The following PHC3 variants were observed in gnomAD, a reference collection of about 807,000 sequenced individuals.
PHC3 encodes polyhomeotic-like protein 3.
A neutral mutation model predicts 107.4 loss-of-function variants in PHC3; 13 were observed. That is an observed-to-expected ratio of 0.12 (90% CI 0.08 to 0.19). The LOEUF (loss-of-function observed/expected upper bound fraction) is 0.19. PHC3 is among the 10% of genes least tolerant of loss of function. The pLI is 1.00. For synonymous variants in PHC3, 456 were observed against 427.4 expected (o/e 1.07, Z -0.83); for missense variants, 992 against 1,210.9 (o/e 0.82, Z 2.68).
intron 10 of PHC3, among the ~76,000 whole-genome samples, chr3:170,115,580 T>C (rs1297468975): frequency 6.6e-6 from 1 of 152,218 alleles, no homozygotes; most frequent in Non-Finnish European, 1.5e-5. Flanking sequence ...ATCTTCCATT[T>C]AGAACATGTA....
chr3:170,139,351 C>G (rs2108525613), intron 6 of PHC3, among the ~76,000 whole-genome samples: 1 of 152,194 alleles, frequency 6.6e-6, no homozygotes, highest in African/African-American at 2.4e-5. Context: ...AAAACATCAA[C>G]AAGTATCTAG....
At chr3:170,172,834 G>A in intron 2 of PHC3, 122 bp from the exon 3 acceptor site, 2 of 997,410 alleles carry the variant, frequency 2.0e-6, no homozygotes, top group East Asian at 2.5e-5. Context: ...ATATCATCAA[G>A]CTTATTAACA....
chr3:170,153,762 CAAA>C (rs371840050), intron 4 of PHC3, among the ~76,000 whole-genome samples: 8 of 108,728 alleles, frequency 7.4e-5, no homozygotes, highest in Admixed American at 1.9e-4. Flanking sequence ...GACTCCGTCT[CAAA>C]AAAAAAAAAA....
chr3:170,175,202 T>C (rs1730228463), intron 2 of PHC3, among the ~76,000 whole-genome samples: 1 of 152,224 alleles, frequency 6.6e-6, no homozygotes, highest in South Asian at 2.1e-4. Flanking sequence ...ATTGATTTGA[T>C]TTCATTTTGG....
rs182495608 is a variant in PHC3 at position 170,103,016 on chromosome 3, C to T, written c.2469-82G>A. ...ATTTAATTGTGACTTTAAAGTGCAACTGTGAATCAGTAAGTACCACAATAC... is the reference window on the plus strand; with the variant it reads ...ATTTAATTGTGACTTTAAAGTGCAATTGTGAATCAGTAAGTACCACAATAC... On this transcript the variant is annotated intron_variant, in intron 12 of 14. Transcript: ENST00000495893. 671 of 1,350,860 alleles carry T rather than the reference C, an allele frequency of 5.0e-4. 1 individual carries two copies. Among genetic ancestry groups the T allele is most frequent in the African/African-American group, 3.9e-3 (267 of 68,594 alleles). 83.7% of individuals were successfully genotyped at this position (1,350,860 alleles called of 1,614,324 possible). A position where few individuals can be genotyped will look rare whatever the true frequency, so the allele number is the denominator to read the frequency against.
rs1713777410 is a variant in PHC3, at chr3:170,088,909, T to TA, written c.*8320dup. 1 of 152,364 alleles carries TA rather than the reference T, an allele frequency of 6.6e-6. No homozygotes were observed. Among genetic ancestry groups the TA allele is most frequent in the Admixed American group, 6.5e-5 (1 of 15,286 alleles). The allele number at this position is 152,364 out of a possible 1,614,324, so 9.4% of individuals were successfully genotyped here. ...GGCTAGGCGCAGTGGCTCATGCCTATAATCCCGGCACTTTGGGAGGCTGAG... is the reference window on the plus strand; with the variant it reads ...GGCTAGGCGCAGTGGCTCATGCCTATAAATCCCGGCACTTTGGGAGGCTGAG... On this transcript the variant is annotated 3_prime_UTR_variant, in exon 15 of 15. Coordinates refer to ENST00000495893, the MANE Select transcript of PHC3 (RefSeq NM_024947.4).
intron 6 of PHC3, among the ~76,000 whole-genome samples, chr3:170,138,713 T>C (rs1029401194): frequency 3.7e-5 from 5 of 135,376 alleles, no homozygotes; most frequent in Non-Finnish European, 8.0e-5. Context: ...AAAAAAAAGA[T>C]AAGAAAAAGA....
intron 7 of PHC3, among the ~76,000 whole-genome samples, chr3:170,134,242 T>C (rs1291871024): frequency 1.3e-5 from 2 of 151,576 alleles, no homozygotes; most frequent in Non-Finnish European, 2.9e-5. Context: ...CAGGCTGGAG[T>C]GCAATGGGGC....
intron 8 of PHC3, among the ~76,000 whole-genome samples, chr3:170,127,773 A>T (rs1721584570): frequency 1.3e-5 from 2 of 152,236 alleles, no homozygotes; most frequent in Non-Finnish European, 2.9e-5. Context: ...CAAATTATGA[A>T]TTTGATCCTT....
rs559059334 is a variant in PHC3 at position 170,088,037 on chromosome 3, A to C, written c.*9193T>G. The C allele has an allele frequency of 7.5e-4, 115 of 152,320 alleles. No individual in the cohort carries two copies. The highest frequency in any genetic ancestry group is 2.7e-3 in the African/African-American group (111 of 41,572). The allele number at this position is 152,320 out of a possible 1,614,324, so 9.4% of individuals were successfully genotyped here. A position where few individuals can be genotyped will look rare whatever the true frequency, so the allele number is the denominator to read the frequency against. On this transcript the variant is annotated 3_prime_UTR_variant, in exon 15 of 15. Transcript: ENST00000495893. ...TATACATTTTAAAACTGTAGCTATC[A>C]ACACCAATCTAGGAACTCTAATGCT... is the stretch of plus-strand genomic sequence containing the variant.
chr3:170,123,072 G>A (rs1467615807), intron 8 of PHC3, among the ~76,000 whole-genome samples: 2 of 152,044 alleles, frequency 1.3e-5, no homozygotes, highest in Admixed American at 1.3e-4. Context: ...GAATTCAACT[G>A]TTTTTGTTAA....
chr3:170,116,066 C>A (rs1326841692), intron 10 of PHC3, among the ~76,000 whole-genome samples: 1 of 152,046 alleles, frequency 6.6e-6, no homozygotes, highest in Non-Finnish European at 1.5e-5. Flanking sequence ...AAATGTTTAT[C>A]TCTAGATATT....
intron 7 of PHC3, among the ~76,000 whole-genome samples, chr3:170,132,877 C>G (rs1432320467): frequency 6.6e-6 from 1 of 152,192 alleles, no homozygotes; most frequent in Non-Finnish European, 1.5e-5. Context: ...AACTTCAGCT[C>G]TAATACAGTT....
At chr3:170,098,594 G>C (rs1288225113) in intron 14 of PHC3, among the ~76,000 whole-genome samples, 1 of 151,950 alleles carries the variant, frequency 6.6e-6, no homozygotes, top group African/African-American at 2.4e-5. Flanking sequence ...AATAAGGACT[G>C]AATTAGTGAA....
At position 170,128,863 on chromosome 3, in the gene PHC3, G is replaced by C; in HGVS notation, c.1609C>G (p.Gln537Glu). The C allele has an allele frequency of 6.2e-7, 1 of 1,614,034 alleles. No homozygotes were observed. The highest frequency in any genetic ancestry group is 8.5e-7 in the Non-Finnish European group (1 of 1,179,890). Residue 537 changes from glutamine (Q) to glutamate (E), a missense_variant, in exon 8 of 15, where the codon CAA becomes GAA. By Grantham distance (29) the Gln-to-Glu change is conservative. Coordinates refer to ENST00000495893, the MANE Select transcript of PHC3 (RefSeq NM_024947.4). ...PLPLQSMQSLQVQPEILSQGQ... is the reference protein window; with the variant it reads ...PLPLQSMQSLEVQPEILSQGQ... ...TGGGACAGAATTTCAGGCTGCACTT[G>C]TAAAGACTGCATAGACTGCAAGGGC... is the stretch of plus-strand genomic sequence containing the variant.
intron 2 of PHC3, among the ~76,000 whole-genome samples, chr3:170,174,641 C>G (rs951156023): frequency 2.0e-5 from 3 of 152,156 alleles, no homozygotes; most frequent in Non-Finnish European, 2.9e-5. Flanking sequence ...CTCAGGACAT[C>G]TTGAGCCATA....
At chr3:170,153,852 C>T (rs1031631674) in intron 4 of PHC3, among the ~76,000 whole-genome samples, 1 of 152,072 alleles carries the variant, frequency 6.6e-6, no homozygotes, top group Admixed American at 6.6e-5. Context: ...CCACACACAA[C>T]CTTCCCATTA....
chr3:170,100,819 A>G lies in PHC3; in HGVS notation c.2833+1660T>C, dbSNP rs866017530. ...AGTGAAAGAAGAATCAGCAGTATCC[A>G]TATTTGTTAATTATTTGGGCAACTA... On this transcript the variant is annotated intron_variant, in intron 14 of 14. Coordinates refer to ENST00000495893, the MANE Select transcript of PHC3 (RefSeq NM_024947.4). Among the ~76,000 whole-genome samples the G allele has an allele frequency of 6.9e-4, 105 of 152,326 alleles. 1 individual carries two copies. The highest frequency in any genetic ancestry group is 2.2e-3 in the African/African-American group (93 of 41,590).
chr3:170,179,255 C>T (rs1219803677), intron 1 of PHC3, among the ~76,000 whole-genome samples: 1 of 152,052 alleles, frequency 6.6e-6, no homozygotes. Context: ...TGAGAGAATA[C>T]TAAACTACCT....
Sources: gnomAD v4.1 joint callset for allele counts (sites outside exome capture counted in the v4.1 genomes callset) on GRCh38, gnomAD v4.1.1 for gene constraint, MANE v1.5 for transcripts, NCBI Gene and HGNC (gene_info 2026-07-23, HGNC 2026-07-21) for gene names.